MAP4K5: variants seen among roughly 807,000 people sequenced by gnomAD.
MAP4K5 encodes MAPK/ERK kinase kinase kinase 5.
Under a neutral mutation model 135.6 loss-of-function variants are expected in MAP4K5, and 82 were observed. The ratio of observed to expected loss-of-function variants is 0.60; its 90% CI spans 0.51 to 0.73. The LOEUF (loss-of-function observed/expected upper bound fraction) is 0.73, where lower values mean the gene tolerates loss of function less well. Ranked by LOEUF, MAP4K5 falls within the 30% of genes least tolerant of loss-of-function variation. MAP4K5 has a pLI of 0.00. For missense variants in MAP4K5, 907 were observed against 1,010.9 expected (o/e 0.90, Z 1.39); for synonymous variants, 347 against 335.0 (o/e 1.04, Z -0.39).
intron 2 of MAP4K5, among the ~76,000 whole-genome samples, chr14:50,505,473 T>C (rs965297555): frequency 7.9e-5 from 12 of 152,194 alleles, no homozygotes; most frequent in African/African-American, 2.9e-4. Context: ...TATCTTAGCT[T>C]TGTATCTATC....
At chr14:50,499,218 G>A (rs567942573) in intron 3 of MAP4K5, among the ~76,000 whole-genome samples, 33 of 152,126 alleles carry the variant, frequency 2.2e-4, no homozygotes, top group Non-Finnish European at 3.8e-4. Flanking sequence ...AACTCTCAGG[G>A]ATATGAAAGG....
rs139267906 is a variant in MAP4K5, at chr14:50,508,018, G to T, written c.109-3161C>A. Among the ~76,000 whole-genome samples, 1,064 of 152,282 alleles carry T rather than the reference G, an allele frequency of 7.0e-3. 24 individuals are homozygous for T. Among genetic ancestry groups the T allele is most frequent in the African/African-American group, 0.025 (1,033 of 41,544 alleles). On this transcript the variant is annotated intron_variant, in intron 2 of 32. Coordinates refer to ENST00000682126, the MANE Select transcript of MAP4K5 (RefSeq NM_006575.6). Reference sequence around the variant, plus strand: ...GTAGGTCTCTAAGGACTTGCTTCATGAATCTGGGTGTTCTGTATTGGGTGC... The same window carrying T: ...GTAGGTCTCTAAGGACTTGCTTCATTAATCTGGGTGTTCTGTATTGGGTGC...
At chr14:50,521,298 G>A (rs1443278154) in intron 2 of MAP4K5, among the ~76,000 whole-genome samples, 1 of 152,168 alleles carries the variant, frequency 6.6e-6, no homozygotes, top group Non-Finnish European at 1.5e-5. Context: ...GAGGGGTAAG[G>A]CTTCTAAGCC....
chr14:50,513,115 GA>G (rs1326963664), intron 2 of MAP4K5, among the ~76,000 whole-genome samples: 1 of 152,062 alleles, frequency 6.6e-6, no homozygotes, highest in African/African-American at 2.4e-5. Flanking sequence ...TTATTATGTG[GA>G]AAAGATAAAC....
intron 6 of MAP4K5, among the ~76,000 whole-genome samples, chr14:50,479,763 C>T (rs914430988): frequency 1.3e-5 from 2 of 152,046 alleles, no homozygotes; most frequent in Non-Finnish European, 2.9e-5. Context: ...TTGTTGGGTG[C>T]TGTATATTTT....
intron 6 of MAP4K5, among the ~76,000 whole-genome samples, chr14:50,477,671 T>C (rs972021350): frequency 1.4e-5 from 2 of 147,794 alleles, no homozygotes; most frequent in Non-Finnish European, 1.5e-5. Context: ...TGTTCAGAAC[T>C]TTTTTTTATC....
At chr14:50,504,168 T>C (rs974398060) in intron 3 of MAP4K5, among the ~76,000 whole-genome samples, 10 of 152,208 alleles carry the variant, frequency 6.6e-5, no homozygotes, top group African/African-American at 2.4e-4. Flanking sequence ...GGCATAATTA[T>C]GGTCACAAAC....
Position 50,445,183 on chromosome 14 carries a change from G to A in MAP4K5, c.1197C>T (p.Ser399=). 6.2e-7 allele frequency: 1 copy of A among 1,613,122 alleles called. No homozygotes were observed. The highest frequency in any genetic ancestry group is 2.2e-5 in the East Asian group (1 of 44,808). The stretch of plus-strand genomic sequence containing the variant: ...CCGGAAAGTTGTCTTCAGGGTAACT[G>A]CTTATCCTTGGCTAGTGGTACAAAG... The part of the protein sequence containing the change: ...PPPLPPKPRI[S]SYPEDNFPDE... Residue 399 remains serine, a synonymous_variant, in exon 18 of 33, where the codon AGC becomes AGT. Coordinates refer to ENST00000682126, the MANE Select transcript of MAP4K5 (RefSeq NM_006575.6).
Position 50,493,457 on chromosome 14 carries a change from C to T in MAP4K5, c.167-7263G>A, listed in dbSNP as rs146366564. ...ACTAATCAATATTGTGTAAGCATTT[C>T]TCATGTCATTAAAAATCACATAAAA... On this transcript the variant is annotated intron_variant, in intron 3 of 32. Transcript: ENST00000682126. Among the ~76,000 whole-genome samples the T allele has an allele frequency of 4.6e-3, 706 of 152,106 alleles. 3 individuals are homozygous for T. Among genetic ancestry groups the T allele is most frequent in the Non-Finnish European group, 8.0e-3 (547 of 67,988 alleles).
intron 2 of MAP4K5, among the ~76,000 whole-genome samples, chr14:50,526,334 T>C (rs1008552006): frequency 1.3e-5 from 2 of 152,158 alleles, no homozygotes; most frequent in Non-Finnish European, 2.9e-5. Context: ...AGTTTTGCTT[T>C]TGTTGCCCAG....
chr14:50,450,732 G>A (rs576706886), intron 14 of MAP4K5: 16 of 152,300 alleles, frequency 1.1e-4, no homozygotes, highest in African/African-American at 3.4e-4. Flanking sequence ...GAAAAATTTG[G>A]CTTTCTACCT....
Position 50,485,211 on chromosome 14 carries a change from T to C in MAP4K5, c.322+367A>G, listed in dbSNP as rs76842367. Reference sequence around the variant, plus strand: ...TACAGTAACAAGCAAATTGCTTTTCTGGTTAGCAGGTTAAGTTACTAAGAC... The same window carrying C: ...TACAGTAACAAGCAAATTGCTTTTCCGGTTAGCAGGTTAAGTTACTAAGAC... On this transcript the variant is annotated intron_variant, in intron 5 of 32. Transcript: ENST00000682126. Among the ~76,000 whole-genome samples, 1,215 of 152,280 alleles carry C rather than the reference T, an allele frequency of 8.0e-3. 9 individuals are homozygous for C. Among genetic ancestry groups the C allele is most frequent in the African/African-American group, 0.027 (1,135 of 41,566 alleles).
chr14:50,479,262 A>ACTTGAAAT (rs1488678497), intron 6 of MAP4K5, among the ~76,000 whole-genome samples: 1 of 149,894 alleles, frequency 6.7e-6, no homozygotes, highest in East Asian at 2.0e-4. Flanking sequence ...ATATTAGGCC[A>ACTTGAAAT]CTTGAAATTG....
intron 13 of MAP4K5, among the ~76,000 whole-genome samples, chr14:50,461,119 G>A (rs1439740938): frequency 6.6e-6 from 1 of 152,038 alleles, no homozygotes; most frequent in Non-Finnish European, 1.5e-5. Context: ...TCTGCCTCCT[G>A]GGTTCAAGAG....
intron 2 of MAP4K5, among the ~76,000 whole-genome samples, chr14:50,515,239 T>C (rs998605160): frequency 1.3e-5 from 2 of 152,142 alleles, no homozygotes; most frequent in Non-Finnish European, 2.9e-5. Context: ...TGACCCCTGG[T>C]TCACAGTTTC....
chr14:50,468,639 T>C lies in MAP4K5; in HGVS notation c.674+12A>G, dbSNP rs2036886107. The C allele has an allele frequency of 6.2e-7, 1 of 1,611,720 alleles. No homozygotes were observed. The highest frequency in any genetic ancestry group is 8.5e-7 in the Non-Finnish European group (1 of 1,178,422). The stretch of plus-strand genomic sequence containing the variant: ...TGATCAATAACTGGATAATTATAAA[T>C]AATGAGAACACCTCATTGGGTGGAG... On this transcript the variant is annotated intron_variant, in intron 10 of 32. Coordinates refer to ENST00000682126, the MANE Select transcript of MAP4K5 (RefSeq NM_006575.6).
chr14:50,459,223 A>C (rs2036657641), intron 13 of MAP4K5, among the ~76,000 whole-genome samples: 1 of 152,196 alleles, frequency 6.6e-6, no homozygotes, highest in Admixed American at 6.5e-5. Context: ...CTTCAGTATA[A>C]AACTTAACTC....
intron 2 of MAP4K5, among the ~76,000 whole-genome samples, chr14:50,517,967 G>A (rs547494983): frequency 1.3e-4 from 20 of 152,262 alleles, no homozygotes; most frequent in African/African-American, 4.6e-4. Context: ...GAGCACCTCT[G>A]AAGCATCAGG....
At chr14:50,545,434 A>T (rs1159887634) in intron 1 of MAP4K5, among the ~76,000 whole-genome samples, 30 of 152,218 alleles carry the variant, frequency 2.0e-4, no homozygotes, top group Admixed American at 2.0e-3. Context: ...CTGCAGTGGG[A>T]ATCCCAGGGT....
Sources: allele counts gnomAD v4.1 joint callset (sites outside exome capture counted in the v4.1 genomes callset), GRCh38; gene constraint gnomAD v4.1.1; transcripts MANE v1.5; gene names NCBI Gene and HGNC (gene_info 2026-07-23, HGNC 2026-07-21).